PHACTR2: variants seen among roughly 807,000 people sequenced by gnomAD.
The protein encoded by PHACTR2 is chromosome 6 open reading frame 56.
PHACTR2 carries 30 observed loss-of-function variants against 76.0 expected under a neutral mutation model. That is an observed-to-expected ratio of 0.39 (90% confidence interval 0.30 to 0.54). The LOEUF is 0.54. Among genes scored for constraint, PHACTR2 ranks in the 20% least tolerant of loss-of-function variants. PHACTR2 has a pLI of 0.61. For missense variants in PHACTR2, 696 were observed against 781.1 expected (o/e 0.89, Z 1.30); for synonymous variants, 292 against 292.5 (o/e 1.00, Z 0.02).
chr6:143,765,729 A>G lies in PHACTR2; in HGVS notation c.1163A>G (p.Glu388Gly), dbSNP rs1195844004. The G allele has an allele frequency of 6.2e-7, 1 of 1,614,126 alleles. No individual in the cohort carries two copies. Among genetic ancestry groups the G allele is most frequent in the East Asian group, 2.2e-5 (1 of 44,900 alleles). The stretch of plus-strand genomic sequence containing the variant: ...GACCCAAGTCAGCTTCTTTGGGCTG[A>G]AGAGCCGACGAACAGAACCACTCTC... ...ALDPSQLLWA[E>G]EPTNRTTLYS... The change falls in exon 6 of 13, where the codon GAA (glutamate) becomes GGA (glycine). Residue 388 changes from glutamate to glycine, a missense_variant. Physicochemically the swap from Glu to Gly is moderately conservative, Grantham distance 98 (BLOSUM62 -2). Transcript: ENST00000440869. The surrounding 1 kb of genome is among the most constrained non-coding windows in gnomAD (Gnocchi z 4.1).
chr6:143,711,072 T>G, intron 1 of PHACTR2: 1 of 517,022 alleles, frequency 1.9e-6, no homozygotes, highest in Non-Finnish European at 3.9e-6. Context: ...CAAAAAATTG[T>G]AAATACCATT....
intron 2 of PHACTR2, among the ~76,000 whole-genome samples, chr6:143,734,145 T>C (rs1778767285): frequency 6.6e-6 from 1 of 152,188 alleles, no homozygotes; most frequent in Non-Finnish European, 1.5e-5. Flanking sequence ...AACCCATTTA[T>C]GGGAAAGAGT....
chr6:143,682,815 A>G (rs1365643088), intron 1 of PHACTR2, among the ~76,000 whole-genome samples: 1 of 150,884 alleles, frequency 6.6e-6, no homozygotes, highest in Non-Finnish European at 1.5e-5. Context: ...TAACTGTGCT[A>G]TTAGCTATGG....
In PHACTR2 at chr6:143,760,295, A is replaced by G. The variant is rs781065329; in HGVS notation, c.455-106A>G. 73 of 997,252 alleles carry G rather than the reference A, an allele frequency of 7.3e-5. No homozygotes were observed. Among genetic ancestry groups the G allele is most frequent in the Admixed American group, 1.5e-4 (6 of 39,974 alleles). The allele number at this position is 997,252 out of a possible 1,614,324, so 61.8% of individuals were successfully genotyped here. On this transcript the variant is annotated intron_variant, in intron 4 of 12. Transcript: ENST00000440869. The surrounding 1 kb of genome is among the most constrained non-coding windows in gnomAD (Gnocchi z 6.4). ...GTGCAGAACTCCATGCTGATTCTCA[A>G]GTACCAAGCAGACACGCTTTGTGTC...
At chr6:143,701,843 C>T (rs1777920297) in intron 1 of PHACTR2, among the ~76,000 whole-genome samples, 1 of 152,102 alleles carries the variant, frequency 6.6e-6, no homozygotes, top group Admixed American at 6.5e-5. Context: ...TAGAATAGGT[C>T]TTAATGTGAC....
At position 143,783,221 on chromosome 6, in the gene PHACTR2, A is replaced by G; in HGVS notation, c.1648A>G (p.Lys550Glu). 6.2e-7 allele frequency: 1 copy of G among 1,600,888 alleles called. No homozygotes were observed. The highest frequency in any genetic ancestry group is 8.6e-7 in the Non-Finnish European group (1 of 1,168,586). The change falls in exon 10 of 13, where the codon AAG (lysine) becomes GAG (glutamate). Residue 550 changes from lysine to glutamate, a missense_variant and splice_region_variant. Coordinates refer to ENST00000440869, the MANE Select transcript of PHACTR2 (RefSeq NM_001100164.2). The surrounding 1 kb of genome is among the most constrained non-coding windows in gnomAD (Gnocchi z 5.2). ...GACTTTCCTCCTTTAATAAACAGAA[A>G]AGAATGAAGAAGAGGAACAAGAAGC... ...ELEQRNILKQKNEEEEQEAKM... is the reference protein window; with the variant it reads ...ELEQRNILKQENEEEEQEAKM...
chr6:143,720,700 C>T (rs1166071067), intron 2 of PHACTR2, among the ~76,000 whole-genome samples: 2 of 152,160 alleles, frequency 1.3e-5, no homozygotes, highest in Admixed American at 1.3e-4. Context: ...AAGGCTTGAC[C>T]GCCTGGGCTC....
intron 1 of PHACTR2, among the ~76,000 whole-genome samples, chr6:143,552,911 A>T (rs1395285064): frequency 6.6e-6 from 1 of 150,908 alleles, no homozygotes; most frequent in Non-Finnish European, 1.5e-5. Context: ...AAAAAAAAGC[A>T]AAAAACTAAC....
Position 143,548,912 on chromosome 6 carries a change from A to G in PHACTR2, c.217+11705A>G, listed in dbSNP as rs1038078114. 2.0e-5 allele frequency among the ~76,000 whole-genome samples: 3 copies of G among 151,992 alleles called. No individual in the cohort carries two copies. Among genetic ancestry groups the G allele is most frequent in the Admixed American group, 6.6e-5 (1 of 15,246 alleles). ...GTTGTGGGGGAAACAAGCAAGAATG[A>G]GGCATGTTCCTAGGGAACAACAAGA... On this transcript the variant is annotated intron_variant, in intron 1 of 11. Coordinates refer to the PHACTR2 transcript ENST00000367584. This position sits in a 1 kb window ranked among gnomAD's most constrained non-coding sequence, Gnocchi z 4.5.
Position 143,680,176 on chromosome 6 carries a change from G to A in PHACTR2, c.46+1967G>A, listed in dbSNP as rs1390845192. The stretch of plus-strand genomic sequence containing the variant: ...AAAAAAAAAATTTAAATTAAATAAC[G>A]TTTGCTGAGTTTTATATTCATGTCT... On this transcript the variant is annotated intron_variant, in intron 1 of 12. Transcript: ENST00000440869. This position sits in a 1 kb window ranked among gnomAD's most constrained non-coding sequence, Gnocchi z 4.5. Among the ~76,000 whole-genome samples, 2 of 151,752 alleles carry A rather than the reference G, an allele frequency of 1.3e-5. No individual in the cohort carries two copies. The highest frequency in any genetic ancestry group is 4.8e-5 in the African/African-American group (2 of 41,326).
At position 143,823,890 on chromosome 6, in the gene PHACTR2, C is replaced by A. The variant is rs1776481190; in HGVS notation, c.*201C>A. 2.0e-6 allele frequency: 1 copy of A among 505,120 alleles called. No individual in the cohort carries two copies. The highest frequency in any genetic ancestry group is 3.6e-6 in the Non-Finnish European group (1 of 275,940). 31.3% of individuals were successfully genotyped at this position (505,120 alleles called of 1,614,324 possible). On this transcript the variant is annotated 3_prime_UTR_variant, in exon 13 of 13. Transcript: ENST00000440869. The surrounding 1 kb of genome is among the most constrained non-coding windows in gnomAD (Gnocchi z 5.7). ...GCTCCAACAAGCAAAAGGAAGGATG[C>A]AGTGACTCTTGCTGCCCAGAATGCA...
At position 143,822,165 on chromosome 6, in the gene PHACTR2, G is replaced by A. The variant is rs1480436652; in HGVS notation, c.1923-1509G>A. Among the ~76,000 whole-genome samples the A allele has an allele frequency of 6.6e-6, 1 of 152,146 alleles. No homozygotes were observed. Among genetic ancestry groups the A allele is most frequent in the Non-Finnish European group, 1.5e-5 (1 of 68,028 alleles). On this transcript the variant is annotated intron_variant, in intron 12 of 12. Coordinates refer to ENST00000440869, the MANE Select transcript of PHACTR2 (RefSeq NM_001100164.2). This position sits in a 1 kb window ranked among gnomAD's most constrained non-coding sequence, Gnocchi z 5.5. ...TGAAAAGCCTTACTTGCTACTCCAG[G>A]AACTTTAAATTTTATTTTGTTGGCT... is the stretch of plus-strand genomic sequence containing the variant.
At chr6:143,577,690 T>C (rs1489031155) in intron 1 of PHACTR2, among the ~76,000 whole-genome samples, 1 of 151,818 alleles carries the variant, frequency 6.6e-6, no homozygotes, top group African/African-American at 2.4e-5. Context: ...AAACAGTAGA[T>C]AACAGTTGAA....
chr6:143,551,159 T>C (rs1297986237), intron 1 of PHACTR2, among the ~76,000 whole-genome samples: 2 of 152,018 alleles, frequency 1.3e-5, no homozygotes, highest in African/African-American at 4.8e-5. Context: ...GAGTAGAAGA[T>C]GGATATACAG....
At position 143,537,139 on chromosome 6, in the gene PHACTR2, G is replaced by T; in HGVS notation, c.149G>T (p.Arg50Leu). ...CCCGGGGACCCGAGCCCCCGCGGCCGCTCACAGAGCGACCTCTCGTCGTCC... is the reference window on the plus strand; with the variant it reads ...CCCGGGGACCCGAGCCCCCGCGGCCTCTCACAGAGCGACCTCTCGTCGTCC... Residue 50 changes from arginine to leucine, a missense_variant, in exon 1 of 12, where the codon CGC (arginine) becomes CTC (leucine). By Grantham distance (102) the Arg-to-Leu change is moderately radical. Coordinates refer to the PHACTR2 transcript ENST00000367584. The surrounding 1 kb of genome is among the most constrained non-coding windows in gnomAD (Gnocchi z 4.4). The T allele has an allele frequency of 6.1e-6, 2 of 325,584 alleles. No individual in the cohort carries two copies. The highest frequency in any genetic ancestry group is 3.4e-5 in the South Asian group (1 of 29,088). The allele number at this position is 325,584 out of a possible 1,614,324, so 20.2% of individuals were successfully genotyped here.
rs993188842 is a variant in PHACTR2 at position 143,821,429 on chromosome 6, G to A, written c.1923-2245G>A. The stretch of plus-strand genomic sequence containing the variant: ...TAATGCTTGTATTCAACACAGTGAC[G>A]TTTAGTAAGTACTATCACGTGCCGG... On this transcript the variant is annotated intron_variant, in intron 12 of 12. Transcript: ENST00000440869. The surrounding 1 kb of genome is among the most constrained non-coding windows in gnomAD (Gnocchi z 5.2). Among the ~76,000 whole-genome samples the A allele has an allele frequency of 4.6e-5, 7 of 152,150 alleles. No homozygotes were observed. Among genetic ancestry groups the A allele is most frequent in the Admixed American group, 3.9e-4 (6 of 15,274 alleles).
chr6:143,636,454 A>G (rs1169294569), intron 1 of PHACTR2, among the ~76,000 whole-genome samples: 1 of 152,150 alleles, frequency 6.6e-6, no homozygotes, highest in African/African-American at 2.4e-5. Flanking sequence ...GTTGAGACCT[A>G]TTTCTGAATG....
In PHACTR2 at chr6:143,663,803, TTAA is replaced by T. The variant is rs1169635088; in HGVS notation, c.14-48210_14-48208del. The stretch of plus-strand genomic sequence containing the variant: ...ATTATGGTCAGAGATCAGGGATTAC[TTAA>T]TATGAATTACTTAAAATTTATTGAG... On this transcript the variant is annotated intron_variant, in intron 1 of 11. Coordinates refer to the PHACTR2 transcript ENST00000305766. The surrounding 1 kb of genome is among the most constrained non-coding windows in gnomAD (Gnocchi z 4.1). Among the ~76,000 whole-genome samples the T allele has an allele frequency of 6.6e-6, 1 of 152,182 alleles. No homozygotes were observed. Among genetic ancestry groups the T allele is most frequent in the Non-Finnish European group, 1.5e-5 (1 of 68,010 alleles).
At chr6:143,797,248 G>A (rs1473686673) in intron 11 of PHACTR2, among the ~76,000 whole-genome samples, 2 of 152,126 alleles carry the variant, frequency 1.3e-5, no homozygotes, top group African/African-American at 4.8e-5. Context: ...CCCATTTTTT[G>A]ATGGGGTTGT....
Sources: allele counts gnomAD v4.1 joint callset (sites outside exome capture counted in the v4.1 genomes callset), GRCh38; gene constraint gnomAD v4.1.1; non-coding constraint Gnocchi (gnomAD v3.1); transcripts MANE v1.5; gene names NCBI Gene and HGNC (gene_info 2026-07-23, HGNC 2026-07-21).